The following MACROH2A2 variants were observed in gnomAD, a reference collection of about 807,000 sequenced individuals.
The protein encoded by MACROH2A2 is core histone macro-H2A.2.
In MACROH2A2, 6 loss-of-function variants were observed where a neutral mutation model predicts 37.6. The observed-to-expected ratio is 0.16, with a 90% CI of 0.09 to 0.32. MACROH2A2 has a LOEUF of 0.32. MACROH2A2 is among the 10% of genes least tolerant of loss of function. The probability of loss-of-function intolerance (pLI) is 1.00; values close to 1 mark genes in which losing one functional copy is unlikely to be tolerated. For missense variants in MACROH2A2, 290 were observed against 485.9 expected, an observed-to-expected ratio of 0.60 and a Z score of 3.79; for synonymous variants, 192 against 202.7, an observed-to-expected ratio of 0.95 and a Z score of 0.45.
chr10:70,064,461 G>A lies in MACROH2A2; in HGVS notation c.-59-11139G>A, dbSNP rs146837353. On this transcript the variant is annotated intron_variant, in intron 1 of 8. Transcript: ENST00000373255. ...ACCTCCCTGCTCATTCTGGCATTTG[G>A]GGGTTCTCAGTTCCTAACTGGACAC... is the stretch of plus-strand genomic sequence containing the variant. Among the ~76,000 whole-genome samples, 221 of 152,298 alleles carry A rather than the reference G, an allele frequency of 1.5e-3. 1 individual carries two copies. The highest frequency in any genetic ancestry group is 5.0e-3 in the African/African-American group (208 of 41,576).
intron 2 of MACROH2A2, among the ~76,000 whole-genome samples, chr10:70,082,455 G>A (rs1170758303): frequency 6.6e-6 from 1 of 151,756 alleles, no homozygotes; most frequent in African/African-American, 2.4e-5. Context: ...AAGAAAGAAA[G>A]AGAGAAAGGA....
intron 2 of MACROH2A2, among the ~76,000 whole-genome samples, chr10:70,080,744 T>C (rs1307696835): frequency 6.6e-6 from 1 of 151,312 alleles, no homozygotes; most frequent in Non-Finnish European, 1.5e-5. Flanking sequence ...AAGCCGGGCA[T>C]GGTGGTGCAT....
intron 6 of MACROH2A2, among the ~76,000 whole-genome samples, chr10:70,096,810 AGGGCTTCCTCCT>A (rs1316879409): frequency 6.6e-6 from 1 of 152,178 alleles, no homozygotes; most frequent in African/African-American, 2.4e-5. Flanking sequence ...GGACTCACTC[AGGGCTTCCTCCT>A]GGCATCAGAG....
chr10:70,108,029 G>C (rs1436603696), intron 7 of MACROH2A2, among the ~76,000 whole-genome samples: 1 of 151,886 alleles, frequency 6.6e-6, no homozygotes, highest in African/African-American at 2.4e-5. Context: ...GACCAGTCTG[G>C]GCAACATAGC....
chr10:70,096,643 A>G (rs2072278282), intron 6 of MACROH2A2, among the ~76,000 whole-genome samples: 1 of 152,146 alleles, frequency 6.6e-6, no homozygotes, highest in African/African-American at 2.4e-5. Flanking sequence ...ATCCATTTTT[A>G]CCAAGCAGAA....
chr10:70,108,332 G>C (rs1002051847), intron 7 of MACROH2A2, among the ~76,000 whole-genome samples: 17 of 152,164 alleles, frequency 1.1e-4, no homozygotes, highest in Non-Finnish European at 2.5e-4. Context: ...TTACAGTTCT[G>C]GAGGCCAGAA....
At chr10:70,104,441 C>T (rs2072324913) in intron 7 of MACROH2A2, among the ~76,000 whole-genome samples, 1 of 151,740 alleles carries the variant, frequency 6.6e-6, no homozygotes, top group Admixed American at 6.6e-5. Context: ...CTTTGAGAGG[C>T]AGAGGCGGGT....
At chr10:70,071,455 G>A (rs1356656175) in intron 1 of MACROH2A2, among the ~76,000 whole-genome samples, 1 of 152,154 alleles carries the variant, frequency 6.6e-6, no homozygotes, top group Non-Finnish European at 1.5e-5. Context: ...TTTAAGAGCA[G>A]AACAACTGTA....
chr10:70,079,606 C>CAT, intron 2 of MACROH2A2, among the ~76,000 whole-genome samples: 1 of 150,948 alleles, frequency 6.6e-6, no homozygotes, highest in African/African-American at 2.4e-5. Flanking sequence ...CACACACACA[C>CAT]GGCAGAGGAG....
At chr10:70,064,585 CAG>C (rs961162728) in intron 1 of MACROH2A2, among the ~76,000 whole-genome samples, 2 of 152,184 alleles carry the variant, frequency 1.3e-5, no homozygotes, top group African/African-American at 2.4e-5. Flanking sequence ...GGGAGCGACT[CAG>C]GGGGAAGTAA....
At chr10:70,094,750 G>C (rs954873547) in intron 5 of MACROH2A2, among the ~76,000 whole-genome samples, 1 of 152,204 alleles carries the variant, frequency 6.6e-6, no homozygotes, top group Non-Finnish European at 1.5e-5. Context: ...GCCAACAATA[G>C]AGAATGCCCT....
At chr10:70,083,572 G>A (rs2072194150) in intron 2 of MACROH2A2, among the ~76,000 whole-genome samples, 1 of 152,020 alleles carries the variant, frequency 6.6e-6, no homozygotes, top group Non-Finnish European at 1.5e-5. Flanking sequence ...AGGAAGAGAA[G>A]GCTGGGGACA....
chr10:70,101,778 C>T (rs2072308648), intron 7 of MACROH2A2, among the ~76,000 whole-genome samples: 2 of 152,242 alleles, frequency 1.3e-5, no homozygotes. Context: ...TGGCTTCTCT[C>T]ACTTAACATT....
chr10:70,093,993 G>A, intron 5 of MACROH2A2, 148 bp downstream of exon 5: 2 of 563,548 alleles, frequency 3.5e-6, no homozygotes, highest in Non-Finnish European at 6.4e-6. Flanking sequence ...AAGAGCTGTG[G>A]CAGTGTCAGC....
In MACROH2A2 at chr10:70,091,965, G is replaced by A; in HGVS notation, c.477+11G>A. 1 of 1,610,024 alleles carries A rather than the reference G, an allele frequency of 6.2e-7. No individual in the cohort carries two copies. Among genetic ancestry groups the A allele is most frequent in the Non-Finnish European group, 8.5e-7 (1 of 1,177,636 alleles). On this transcript the variant is annotated intron_variant, in intron 4 of 8. Transcript: ENST00000373255. The stretch of plus-strand genomic sequence containing the variant: ...CGGACGTCCAAAAAGGTAGGCCGAG[G>A]CTGCGTGTCCTGGGCCAGGCACTCC...
At chr10:70,071,444 G>GT (rs1409642506) in intron 1 of MACROH2A2, among the ~76,000 whole-genome samples, 1 of 152,150 alleles carries the variant, frequency 6.6e-6, no homozygotes, top group African/African-American at 2.4e-5. Context: ...AAATCAGGAT[G>GT]TTTAAGAGCA....
At chr10:70,083,961 A>T (rs2072196037) in intron 2 of MACROH2A2, among the ~76,000 whole-genome samples, 1 of 151,880 alleles carries the variant, frequency 6.6e-6, no homozygotes, top group African/African-American at 2.4e-5. Flanking sequence ...GTATGTGCTG[A>T]CAGTAGATAT....
intron 2 of MACROH2A2, among the ~76,000 whole-genome samples, chr10:70,083,940 A>T (rs2072195886): frequency 6.6e-6 from 1 of 152,006 alleles, no homozygotes; most frequent in Non-Finnish European, 1.5e-5. Flanking sequence ...CAAATTCTGC[A>T]GTAGCGTTTT....
At chr10:70,087,118 G>A (rs558373211) in intron 2 of MACROH2A2, among the ~76,000 whole-genome samples, 2 of 152,242 alleles carry the variant, frequency 1.3e-5, no homozygotes, top group South Asian at 4.1e-4. Flanking sequence ...TTGAGTCCAG[G>A]AGGTTAAGGC....
Sources: gnomAD v4.1 joint callset for allele counts (sites outside exome capture counted in the v4.1 genomes callset) on GRCh38, gnomAD v4.1.1 for gene constraint, MANE v1.5 for transcripts, NCBI Gene and HGNC (gene_info 2026-07-23, HGNC 2026-07-21) for gene names.